The following PCDHGB4 variants were observed in gnomAD, a reference collection of about 807,000 sequenced individuals.
PCDHGB4 encodes the protein protocadherin gamma-B4.
In PCDHGB4, 38 loss-of-function variants were observed where a neutral mutation model predicts 60.5. That is an observed-to-expected ratio of 0.63 (90% confidence interval 0.48 to 0.82). The LOEUF is 0.82. Among genes scored for constraint, PCDHGB4 ranks in the 40% least tolerant of loss-of-function variants. The probability of loss-of-function intolerance (pLI) is 0.00; values close to 1 mark genes in which losing one functional copy is unlikely to be tolerated. For missense variants in PCDHGB4, 1,109 were observed against 1,209.6 expected, an observed-to-expected ratio of 0.92 and a Z score of 1.23; for synonymous variants, 456 against 509.7, an observed-to-expected ratio of 0.89 and a Z score of 1.42.
At chr5:141,427,934 G>A (rs746648152) in intron 1 of PCDHGB4, 42 of 1,584,338 alleles carry the variant, frequency 2.7e-5, no homozygotes, top group Non-Finnish European at 3.6e-5. Context: ...GCATGTTGGT[G>A]GGCGACCTCA....
Position 141,389,444 on chromosome 5 carries a change from C to T in PCDHGB4, c.1560C>T (p.His520=). The part of the protein sequence containing the change: ...GVVFAQRAFD[H]EQLRAFELTL... ...TGTTCGCGCAGCGCGCCTTCGACCA[C>T]GAGCAGCTGCGCGCCTTCGAACTCA... The change falls in exon 1 of 4, where the codon CAC becomes CAT. Residue 520 remains histidine, a synonymous_variant. Coordinates refer to ENST00000519479, the MANE Select transcript of PCDHGB4 (RefSeq NM_003736.4). 6.2e-7 allele frequency: 1 copy of T among 1,610,564 alleles called. No individual in the cohort carries two copies. Among genetic ancestry groups the T allele is most frequent in the South Asian group, 1.1e-5 (1 of 90,810 alleles).
At chr5:141,430,911 A>T (rs544678317) in intron 1 of PCDHGB4, 4 of 1,607,840 alleles carry the variant, frequency 2.5e-6, no homozygotes, top group Non-Finnish European at 3.4e-6. Context: ...ATCTCCAGGG[A>T]CCTGGGGCTG....
chr5:141,428,797 G>A (rs2097161930), intron 1 of PCDHGB4: 1 of 152,310 alleles, frequency 6.6e-6, no homozygotes, highest in Admixed American at 6.5e-5. Context: ...TTCTGTGTGG[G>A]CCAGTAACTT....
At position 141,476,786 on chromosome 5, in the gene PCDHGB4, C is replaced by G. The variant is rs2099398607; in HGVS notation, c.2398-18021C>G. 3.1e-6 allele frequency: 5 copies of G among 1,613,444 alleles called. No individual in the cohort carries two copies. The highest frequency in any genetic ancestry group is 1.7e-5 in the Admixed American group (1 of 60,000). ...GGCGTTGGACGGAGGGACCCCAGCTCTCTCCGCCAGCCTGCCTATTCACAT... is the reference window on the plus strand; with the variant it reads ...GGCGTTGGACGGAGGGACCCCAGCTGTCTCCGCCAGCCTGCCTATTCACAT... On this transcript the variant is annotated intron_variant, in intron 1 of 3. Coordinates refer to ENST00000519479, the MANE Select transcript of PCDHGB4 (RefSeq NM_003736.4). The surrounding 1 kb of genome is among the most constrained non-coding windows in gnomAD (Gnocchi z 7.6).
In PCDHGB4 at chr5:141,389,412, G is replaced by T. The variant is rs1039259671; in HGVS notation, c.1528G>T (p.Gly510Trp). ...CTACGTGTCCATAAGCGCGGAGAGC[G>T]GGGTGGTGTTCGCGCAGCGCGCCTT... Reference protein sequence around the residue: ...SSYVSISAESGVVFAQRAFDH... With the variant: ...SSYVSISAESWVVFAQRAFDH... The change falls in exon 1 of 4, where the codon GGG becomes TGG. Residue 510 changes from glycine to tryptophan, a missense_variant. Physicochemically the swap from Gly to Trp is radical, Grantham distance 184 (BLOSUM62 -2). Around this residue, in one of 2 missense-constraint regions of PCDHGB4, gnomAD observed 1,068 missense variants for 1,089.9 expected, o/e 0.98. Transcript: ENST00000519479. The T allele has an allele frequency of 5.6e-6, 9 of 1,613,470 alleles. No individual in the cohort carries two copies. The highest frequency in any genetic ancestry group is 7.6e-6 in the Non-Finnish European group (9 of 1,179,910).
chr5:141,487,475 C>A lies in PCDHGB4; in HGVS notation c.2398-7332C>A. 6.2e-7 allele frequency: 1 copy of A among 1,614,156 alleles called. No individual in the cohort carries two copies. The highest frequency in any genetic ancestry group is 8.5e-7 in the Non-Finnish European group (1 of 1,180,032). On this transcript the variant is annotated intron_variant, in intron 1 of 3. Transcript: ENST00000519479. This position sits in a 1 kb window ranked among gnomAD's most constrained non-coding sequence, Gnocchi z 5.0. ...TATCAAGTTTGTTGATGTGGGAGGC[C>A]ACTCTCATGGCTGTACACCCTTGGC...
chr5:141,456,824 G>A (rs2098890304), intron 1 of PCDHGB4, among the ~76,000 whole-genome samples: 2 of 152,170 alleles, frequency 1.3e-5, no homozygotes, highest in South Asian at 2.1e-4. Context: ...ATTAGCCATC[G>A]TGGTAGTGGG....
chr5:141,420,974 T>C, intron 1 of PCDHGB4: 1 of 460,696 alleles, frequency 2.2e-6, no homozygotes, highest in Non-Finnish European at 3.8e-6. Flanking sequence ...ATAATAAGAA[T>C]GGGCTCTAGG....
chr5:141,475,553 T>A (rs1159585016), intron 1 of PCDHGB4, among the ~76,000 whole-genome samples: 2 of 152,260 alleles, frequency 1.3e-5, no homozygotes, highest in Non-Finnish European at 2.9e-5. Flanking sequence ...GTCCGGCTAA[T>A]TGTCTGTCTT....
intron 1 of PCDHGB4, among the ~76,000 whole-genome samples, chr5:141,469,311 T>C (rs970450899): frequency 3.3e-5 from 5 of 152,040 alleles, no homozygotes; most frequent in Admixed American, 3.3e-4. Context: ...GCACGATGGC[T>C]CACGCCTGTA....
chr5:141,487,451 A>G lies in PCDHGB4; in HGVS notation c.2398-7356A>G. 6.2e-7 allele frequency: 1 copy of G among 1,614,122 alleles called. No homozygotes were observed. Among genetic ancestry groups the G allele is most frequent in the Non-Finnish European group, 8.5e-7 (1 of 1,180,006 alleles). On this transcript the variant is annotated intron_variant, in intron 1 of 3. Transcript: ENST00000519479. This position sits in a 1 kb window ranked among gnomAD's most constrained non-coding sequence, Gnocchi z 5.0. ...AATCCAGCTAGGGTCAGATGACCCT[A>G]TCAAGTTTGTTGATGTGGGAGGCCA...
At chr5:141,500,184 T>TTATA (rs530565701) in intron 2 of PCDHGB4, among the ~76,000 whole-genome samples, 2 of 135,886 alleles carry the variant, frequency 1.5e-5, no homozygotes, top group Non-Finnish European at 3.2e-5. Flanking sequence ...TCATTTTTAT[T>TTATA]TTTATTTATT....
Position 141,490,850 on chromosome 5 carries a change from G to A in PCDHGB4, c.2398-3957G>A, listed in dbSNP as rs374508743. The A allele has an allele frequency of 7.2e-5, 116 of 1,613,706 alleles. No homozygotes were observed. The highest frequency in any genetic ancestry group is 9.5e-5 in the Non-Finnish European group (112 of 1,179,902). ...ATGCTGCAGATTGTGGTGGGGGTTC[G>A]AGACTCCGGCTCTCCCCCATTGCAT... On this transcript the variant is annotated intron_variant, in intron 1 of 3. Transcript: ENST00000519479. This position sits in a 1 kb window ranked among gnomAD's most constrained non-coding sequence, Gnocchi z 5.4.
rs535152193 is a variant in PCDHGB4, at chr5:141,422,906, C to G, written c.2397+32625C>G. ...TTCGTGCTGGACCAGAACGACAATG[C>G]GCCCGAGATCCTGTACCCTGCCCTC... On this transcript the variant is annotated intron_variant, in intron 1 of 3. Transcript: ENST00000519479. 6 of 1,614,264 alleles carry G rather than the reference C, an allele frequency of 3.7e-6. No homozygotes were observed. The South Asian group carries it at 6.6e-5, about 18-fold the overall frequency.
At chr5:141,500,672 C>A (rs2099801937) in intron 2 of PCDHGB4, among the ~76,000 whole-genome samples, 1 of 152,156 alleles carries the variant, frequency 6.6e-6, no homozygotes, top group South Asian at 2.1e-4. Context: ...TACTGTCCAA[C>A]AGAATTATAG....
rs757876687 is a variant in PCDHGB4 at position 141,413,273 on chromosome 5, G to A, written c.2397+22992G>A. On this transcript the variant is annotated intron_variant, in intron 1 of 3. Coordinates refer to ENST00000519479, the MANE Select transcript of PCDHGB4 (RefSeq NM_003736.4). The stretch of plus-strand genomic sequence containing the variant: ...GGGATTCCATGGGAGGCTGGAGCCC[G>A]GCAGATCTCCTACTCAATTCCTGAG... 4.3e-6 allele frequency: 7 copies of A among 1,613,920 alleles called. No homozygotes were observed. The highest frequency in any genetic ancestry group is 5.9e-6 in the Non-Finnish European group (7 of 1,179,902).
At position 141,477,415 on chromosome 5, in the gene PCDHGB4, A is replaced by T. The variant is rs771293212; in HGVS notation, c.2398-17392A>T. On this transcript the variant is annotated intron_variant, in intron 1 of 3. Coordinates refer to ENST00000519479, the MANE Select transcript of PCDHGB4 (RefSeq NM_003736.4). This position sits in a 1 kb window ranked among gnomAD's most constrained non-coding sequence, Gnocchi z 4.9. ...TCAGCATCACCGCCCGAGACGCCGG[A>T]ACCCCTTCCCTCTCAGCCCTTACAA... 12 of 1,614,162 alleles carry T rather than the reference A, an allele frequency of 7.4e-6. No individual in the cohort carries two copies. The highest frequency in any genetic ancestry group is 1.0e-5 in the Non-Finnish European group (12 of 1,180,020).
chr5:141,391,155 T>C (rs2092309201), intron 1 of PCDHGB4: 1 of 152,250 alleles, frequency 6.6e-6, no homozygotes, highest in Non-Finnish European at 1.5e-5. Context: ...GAAAGAAATA[T>C]AGTCTTGAAA....
chr5:141,389,112 C>G lies in PCDHGB4; in HGVS notation c.1228C>G (p.Arg410Gly), dbSNP rs376966829. Residue 410 changes from arginine (R) to glycine (G), a missense_variant, in exon 1 of 4, where the codon CGC becomes GGC. By Grantham distance (125) the Arg-to-Gly change is moderately radical. Transcript: ENST00000519479. ...YKLVTDAVLD[R>G]EQNPEYNITV... ...ATTAGTGACAGATGCTGTTCTAGACCGCGAGCAGAATCCAGAGTACAATAT... is the reference window on the plus strand; with the variant it reads ...ATTAGTGACAGATGCTGTTCTAGACGGCGAGCAGAATCCAGAGTACAATAT... The G allele has an allele frequency of 1.2e-6, 2 of 1,613,966 alleles. No homozygotes were observed. The highest frequency in any genetic ancestry group is 1.7e-6 in the Non-Finnish European group (2 of 1,179,872).
Sources: allele counts gnomAD v4.1 joint callset (sites outside exome capture counted in the v4.1 genomes callset), GRCh38; gene constraint gnomAD v4.1.1; regional missense constraint gnomAD v4.1.1; non-coding constraint Gnocchi (gnomAD v3.1); transcripts MANE v1.5; gene names NCBI Gene and HGNC (gene_info 2026-07-23, HGNC 2026-07-21).